The following MGMT variants were observed in gnomAD, a reference collection of about 807,000 sequenced individuals.
MGMT encodes the protein methylated-DNA--protein-cysteine methyltransferase.
In MGMT, 14 loss-of-function variants were observed where a neutral mutation model predicts 15.9. The observed-to-expected ratio is 0.88, with a 90% CI of 0.58 to 1.37. MGMT has a LOEUF of 1.37. MGMT is among the 40% of genes most tolerant of loss of function. The pLI, the probability that MGMT is intolerant of heterozygous loss-of-function variation, is 0.00. For synonymous variants in MGMT, 130 were observed against 118.2 expected (o/e 1.10, Z -0.65); for missense variants, 282 against 268.1 (o/e 1.05, Z -0.36).
At chr10:129,682,521 G>C (rs1296510741) in intron 2 of MGMT, among the ~76,000 whole-genome samples, 1 of 152,010 alleles carries the variant, frequency 6.6e-6, no homozygotes, top group Non-Finnish European at 1.5e-5. Flanking sequence ...GTGTCTTTGT[G>C]ATGAGACAGT....
intron 1 of MGMT, among the ~76,000 whole-genome samples, chr10:129,506,302 C>T (rs929748871): frequency 6.6e-6 from 1 of 152,174 alleles, no homozygotes; most frequent in Non-Finnish European, 1.5e-5. Flanking sequence ...CCTGGCCCCA[C>T]CCCGGATTTC....
In MGMT at chr10:129,770,340, C is replaced by T. The variant is rs866965182; in HGVS notation, c.*3343C>T. Among the ~76,000 whole-genome samples the T allele has an allele frequency of 1.7e-4, 26 of 152,244 alleles. No individual in the cohort carries two copies. The highest frequency in any genetic ancestry group is 4.6e-4 in the African/African-American group (19 of 41,458). ...GACCCGCTGGAGCCCTGTGGAGTGG[C>T]GGACTCTGGGGAGTAGCTGGTCAGT... On this transcript the variant is annotated 3_prime_UTR_variant, in exon 5 of 5. Coordinates refer to ENST00000651593, the MANE Select transcript of MGMT (RefSeq NM_002412.5).
chr10:129,598,071 C>T (rs942766591), intron 2 of MGMT, among the ~76,000 whole-genome samples: 4 of 152,138 alleles, frequency 2.6e-5, no homozygotes, highest in East Asian at 1.9e-4. Flanking sequence ...AGACTCGGTG[C>T]ACGTATTCAA....
intron 2 of MGMT, among the ~76,000 whole-genome samples, chr10:129,586,632 G>C (rs574986160): frequency 1.6e-4 from 24 of 152,170 alleles, no homozygotes; most frequent in Non-Finnish European, 2.6e-4. Context: ...TCATTCGTTT[G>C]TTATTGTACA....
In MGMT at chr10:129,763,801, G is replaced by A. The variant is rs144848892; in HGVS notation, c.415-2987G>A. ...TCAATCAGGGTAAATATTCCATCCT[G>A]GAGATTTCCTGTGACTCCTTCTGGA... On this transcript the variant is annotated intron_variant, in intron 4 of 4. Coordinates refer to ENST00000651593, the MANE Select transcript of MGMT (RefSeq NM_002412.5). Among the ~76,000 whole-genome samples, 291 of 152,278 alleles carry A rather than the reference G, an allele frequency of 1.9e-3. 2 individuals are homozygous for A. Among genetic ancestry groups the A allele is most frequent in the African/African-American group, 6.5e-3 (268 of 41,548 alleles).
chr10:129,664,393 T>G (rs745539264), intron 2 of MGMT, among the ~76,000 whole-genome samples: 20 of 152,330 alleles, frequency 1.3e-4, no homozygotes, highest in Middle Eastern at 6.8e-3. Context: ...GAGAACCCCC[T>G]GTGAAGAAGA....
At chr10:129,633,663 A>G (rs1032427426) in intron 2 of MGMT, among the ~76,000 whole-genome samples, 1 of 152,220 alleles carries the variant, frequency 6.6e-6, no homozygotes, top group African/African-American at 2.4e-5. Context: ...CAGCCCCCAG[A>G]TAAGTAGTGC....
chr10:129,591,391 C>T (rs1846683811), intron 2 of MGMT, among the ~76,000 whole-genome samples: 2 of 152,192 alleles, frequency 1.3e-5, no homozygotes, highest in Admixed American at 1.3e-4. Context: ...TCCCTGCCCT[C>T]TGTCTCCCCA....
At chr10:129,491,957 C>T (rs1845473341) in intron 1 of MGMT, among the ~76,000 whole-genome samples, 1 of 151,906 alleles carries the variant, frequency 6.6e-6, no homozygotes, top group South Asian at 2.1e-4. Flanking sequence ...CTTCTTTTTT[C>T]CCTTCTCTTT....
intron 2 of MGMT, among the ~76,000 whole-genome samples, chr10:129,692,806 G>A (rs1055046537): frequency 1.3e-4 from 20 of 152,184 alleles, no homozygotes; most frequent in Non-Finnish European, 1.0e-4. Context: ...GTACATGGAG[G>A]GAGACAGGCT....
chr10:129,585,901 C>T (rs778619407), intron 2 of MGMT, among the ~76,000 whole-genome samples: 26 of 151,674 alleles, frequency 1.7e-4, no homozygotes, highest in Non-Finnish European at 3.2e-4. Context: ...TATTCTTGCA[C>T]TTCAGGGCCA....
At chr10:129,608,567 TA>T (rs1248511171) in intron 2 of MGMT, among the ~76,000 whole-genome samples, 1 of 152,256 alleles carries the variant, frequency 6.6e-6, no homozygotes, top group African/African-American at 2.4e-5. Flanking sequence ...ATCTTACGCT[TA>T]AAAAGTTTTA....
intron 2 of MGMT, among the ~76,000 whole-genome samples, chr10:129,622,126 A>G (rs1447000530): frequency 6.6e-6 from 1 of 152,190 alleles, no homozygotes; most frequent in African/African-American, 2.4e-5. Flanking sequence ...GAAGGCGATA[A>G]AAGATTTCTG....
chr10:129,725,558 G>T (rs1007475899), intron 3 of MGMT, among the ~76,000 whole-genome samples: 1 of 152,232 alleles, frequency 6.6e-6, no homozygotes. Context: ...TTTTCCAGGT[G>T]GTGGTTTGAG....
chr10:129,669,936 A>G (rs941143690), intron 2 of MGMT, among the ~76,000 whole-genome samples: 5 of 152,314 alleles, frequency 3.3e-5, no homozygotes, highest in African/African-American at 9.6e-5. Flanking sequence ...TTTGATAACA[A>G]TAGTTGAAGG....
intron 2 of MGMT, 53 bp downstream of exon 2, chr10:129,536,430 G>A: frequency 6.4e-7 from 1 of 1,569,394 alleles, no homozygotes; most frequent in Non-Finnish European, 8.6e-7. Flanking sequence ...AGCAACCGAG[G>A]AGTATATGTG....
rs1224819147 is a variant in MGMT at position 129,770,973 on chromosome 10, G to A, written c.*3976G>A. 2.6e-5 allele frequency among the ~76,000 whole-genome samples: 4 copies of A among 151,940 alleles called. No individual in the cohort carries two copies. The highest frequency in any genetic ancestry group is 5.9e-5 in the Non-Finnish European group (4 of 68,000). ...TTCATGGGCATTTGATTAAAAGTTTGTGTTTAAAGAGCTGAACTTCACATC... is the reference window on the plus strand; with the variant it reads ...TTCATGGGCATTTGATTAAAAGTTTATGTTTAAAGAGCTGAACTTCACATC... On this transcript the variant is annotated 3_prime_UTR_variant, in exon 5 of 5. Transcript: ENST00000651593.
chr10:129,631,929 G>A (rs1280913840), intron 2 of MGMT, among the ~76,000 whole-genome samples: 1 of 152,086 alleles, frequency 6.6e-6, no homozygotes, highest in Non-Finnish European at 1.5e-5. Context: ...AGGAGACAGG[G>A]GCTCCCTATG....
chr10:129,653,517 A>G (rs1293817968), intron 2 of MGMT, among the ~76,000 whole-genome samples: 1 of 152,226 alleles, frequency 6.6e-6, no homozygotes, highest in African/African-American at 2.4e-5. Flanking sequence ...GAGGTGCTGC[A>G]GAGATGGCCC....
Sources: allele counts gnomAD v4.1 joint callset (sites outside exome capture counted in the v4.1 genomes callset), GRCh38; gene constraint gnomAD v4.1.1; transcripts MANE v1.5; gene names NCBI Gene and HGNC (gene_info 2026-07-23, HGNC 2026-07-21).